DCAF17: variants seen among roughly 807,000 people sequenced by gnomAD.
The protein encoded by DCAF17 is DDB1- and CUL4-associated factor 17.
Under a neutral mutation model 66.0 loss-of-function variants are expected in DCAF17, and 48 were observed. That is an observed-to-expected ratio of 0.73 (90% CI 0.58 to 0.92). The LOEUF (loss-of-function observed/expected upper bound fraction) is 0.92, where lower values mean the gene tolerates loss of function less well. Ranked by LOEUF, DCAF17 falls within the 40% of genes least tolerant of loss-of-function variation. The pLI is 0.00. For synonymous variants in DCAF17, 206 were observed against 214.6 expected (o/e 0.96, Z 0.35); for missense variants, 562 against 622.8 (o/e 0.90, Z 1.04).
intron 2 of DCAF17, among the ~76,000 whole-genome samples, chr2:171,438,173 T>C (rs1010346678): frequency 1.3e-5 from 2 of 150,788 alleles, no homozygotes; most frequent in African/African-American, 5.0e-5. Flanking sequence ...TTTCCAGTTA[T>C]CATTGTTTTA....
At chr2:171,451,488 A>G (rs191867181) in intron 5 of DCAF17, among the ~76,000 whole-genome samples, 7 of 152,352 alleles carry the variant, frequency 4.6e-5, no homozygotes, top group African/African-American at 1.7e-4. Flanking sequence ...ATAAAAAAGC[A>G]AAACATTTTG....
chr2:171,456,848 T>C (rs748865569), intron 6 of DCAF17, among the ~76,000 whole-genome samples: 40 of 152,256 alleles, frequency 2.6e-4, no homozygotes, highest in Non-Finnish European at 5.0e-4. Flanking sequence ...GAGACTTTGC[T>C]GATGTTGCTT....
intron 3 of DCAF17, among the ~76,000 whole-genome samples, chr2:171,446,366 T>C (rs780861777): frequency 2.3e-4 from 35 of 151,994 alleles, no homozygotes; most frequent in Non-Finnish European, 4.7e-4. Context: ...ACCAACATAG[T>C]GAAACCCCGT....
intron 8 of DCAF17, among the ~76,000 whole-genome samples, chr2:171,464,232 C>A (rs768720066): frequency 6.6e-5 from 10 of 152,200 alleles, no homozygotes; most frequent in Non-Finnish European, 1.2e-4. Flanking sequence ...GAGAGCAACA[C>A]TACAAACTGG....
intron 6 of DCAF17, among the ~76,000 whole-genome samples, chr2:171,455,438 G>C (rs1695203782): frequency 1.3e-5 from 2 of 152,168 alleles, no homozygotes; most frequent in African/African-American, 2.4e-5. Context: ...CCATGTCTTT[G>C]CTCTTGTGAA....
At chr2:171,450,875 C>A (rs72882324) in intron 5 of DCAF17, among the ~76,000 whole-genome samples, 1 of 151,796 alleles carries the variant, frequency 6.6e-6, no homozygotes, top group Admixed American at 6.6e-5. Context: ...ATTCTGAGCC[C>A]CAGAGAAGCT....
At chr2:171,469,381 G>A (rs1696109335) in intron 9 of DCAF17, among the ~76,000 whole-genome samples, 1 of 152,164 alleles carries the variant, frequency 6.6e-6, no homozygotes, top group Admixed American at 6.6e-5. Flanking sequence ...TGTGTTGTTG[G>A]TTCTGCTTCT....
At chr2:171,472,766 A>G (rs1156337471) in intron 9 of DCAF17, 1 of 175,638 alleles carries the variant, frequency 5.7e-6, no homozygotes, top group African/African-American at 2.4e-5. Context: ...TGATACCTAG[A>G]ACATAGTAGC....
chr2:171,470,072 A>G (rs6743290), intron 9 of DCAF17, among the ~76,000 whole-genome samples: 33,078 of 151,740 alleles, frequency 0.22, 3,713 homozygotes, highest in South Asian at 0.29. Context: ...TGCCTAGCCT[A>G]GAGTGCAGTG....
rs1276770199 is a variant in DCAF17 at position 171,434,718 on chromosome 2, G to A, written c.126+15G>A. The A allele has an allele frequency of 1.4e-6, 2 of 1,446,614 alleles. No individual in the cohort carries two copies. The highest frequency in any genetic ancestry group is 2.8e-5 in the Admixed American group (1 of 35,748). The allele number at this position is 1,446,614 out of a possible 1,614,324, so 89.6% of individuals were successfully genotyped here. On this transcript the variant is annotated intron_variant, in intron 1 of 13. Coordinates refer to ENST00000375255, the MANE Select transcript of DCAF17 (RefSeq NM_025000.4). ...TGGTGTGCCAGGTGACCGCCAGCCGGCCGGGGCGGGACGGAGGGCCGCGGG... is the reference window on the plus strand; with the variant it reads ...TGGTGTGCCAGGTGACCGCCAGCCGACCGGGGCGGGACGGAGGGCCGCGGG...
intron 8 of DCAF17, among the ~76,000 whole-genome samples, chr2:171,464,011 A>ATTT (rs1374834317): frequency 2.0e-5 from 3 of 152,218 alleles, no homozygotes; most frequent in Non-Finnish European, 4.4e-5. Context: ...TTATTTGTCC[A>ATTT]ATATTATATA....
intron 2 of DCAF17, among the ~76,000 whole-genome samples, chr2:171,438,027 T>C (rs1694069755): frequency 6.6e-6 from 1 of 152,260 alleles, no homozygotes; most frequent in Admixed American, 6.5e-5. Flanking sequence ...GCATTGTTTT[T>C]GTTGCATCCC....
intron 8 of DCAF17, among the ~76,000 whole-genome samples, chr2:171,466,252 G>A (rs778189945): frequency 6.6e-6 from 1 of 152,116 alleles, no homozygotes; most frequent in Non-Finnish European, 1.5e-5. Flanking sequence ...AAATCATATT[G>A]TATTACAGGT....
intron 8 of DCAF17, among the ~76,000 whole-genome samples, chr2:171,460,082 T>C (rs1695486636): frequency 6.6e-6 from 1 of 152,106 alleles, no homozygotes; most frequent in African/African-American, 2.4e-5. Context: ...TCCAGCACTT[T>C]GGGAGGCTGA....
At chr2:171,452,697 C>G (rs747472144) in intron 5 of DCAF17, among the ~76,000 whole-genome samples, 9 of 152,192 alleles carry the variant, frequency 5.9e-5, no homozygotes, top group Non-Finnish European at 1.3e-4. Flanking sequence ...CTCCTAGCCT[C>G]AAGCGATCCT....
intron 2 of DCAF17, among the ~76,000 whole-genome samples, chr2:171,441,769 T>G (rs551994956): frequency 6.6e-6 from 1 of 152,322 alleles, no homozygotes; most frequent in Admixed American, 6.5e-5. Context: ...AGTAGTAGGT[T>G]TTCTTGAATA....
intron 8 of DCAF17, among the ~76,000 whole-genome samples, chr2:171,462,221 A>C (rs905739861): frequency 6.6e-6 from 1 of 152,176 alleles, no homozygotes; most frequent in Non-Finnish European, 1.5e-5. Context: ...GAGATTGATA[A>C]ATTTGATTAT....
At chr2:171,457,834 A>T in intron 6 of DCAF17, 137 bp from the exon 7 acceptor site, 1 of 798,088 alleles carries the variant, frequency 1.3e-6, no homozygotes, top group South Asian at 1.4e-5. Context: ...GTGATAAATT[A>T]TAATGAGGTT....
At chr2:171,445,988 C>A (rs1694599929) in intron 3 of DCAF17, among the ~76,000 whole-genome samples, 1 of 152,034 alleles carries the variant, frequency 6.6e-6, no homozygotes, top group Admixed American at 6.6e-5. Flanking sequence ...CAGCCAAAAA[C>A]TTTTAAATCT....
Sources: gnomAD v4.1 joint callset for allele counts (sites outside exome capture counted in the v4.1 genomes callset) on GRCh38, gnomAD v4.1.1 for gene constraint, MANE v1.5 for transcripts, NCBI Gene and HGNC (gene_info 2026-07-23, HGNC 2026-07-21) for gene names.